DPYD: variants seen among roughly 807,000 people sequenced by gnomAD.
The protein encoded by DPYD is dihydropyrimidine dehydrogenase [NADP(+)].
Under a neutral mutation model 116.2 loss-of-function variants are expected in DPYD, and 109 were observed. The ratio of observed to expected loss-of-function variants is 0.94; its 90% confidence interval spans 0.80 to 1.10. The LOEUF (loss-of-function observed/expected upper bound fraction) is 1.10, where lower values mean the gene tolerates loss of function less well. Ranked by LOEUF, DPYD falls within the 50% of genes least tolerant of loss-of-function variation. The pLI, the probability that DPYD is intolerant of heterozygous loss-of-function variation, is 0.00. For synonymous variants in DPYD, 440 were observed against 432.0 expected (o/e 1.02, Z -0.23); for missense variants, 1,302 against 1,254.5 (o/e 1.04, Z -0.57).
chr1:97,518,097 A>G lies in DPYD; in HGVS notation c.1525-2156T>C, dbSNP rs538520134. On this transcript the variant is annotated intron_variant, in intron 12 of 22. Coordinates refer to ENST00000370192, the MANE Select transcript of DPYD (RefSeq NM_000110.4). ...AACATTGCTGCCTTAATACTTAGAAAGAAAATGATTTGGACACATTTTGCA... is the reference window on the plus strand; with the variant it reads ...AACATTGCTGCCTTAATACTTAGAAGGAAAATGATTTGGACACATTTTGCA... Among the ~76,000 whole-genome samples, 9 of 152,236 alleles carry G rather than the reference A, an allele frequency of 5.9e-5. No homozygotes were observed. In the East Asian group the frequency reaches 1.2e-3, roughly 20 times the overall value.
chr1:97,820,374 AAT>A (rs1350083580), intron 3 of DPYD, among the ~76,000 whole-genome samples: 1 of 152,172 alleles, frequency 6.6e-6, no homozygotes, highest in Non-Finnish European at 1.5e-5. Context: ...TCAGCCTTTC[AAT>A]AAAAAGTTAG....
chr1:97,493,224 T>C (rs1468299377), intron 13 of DPYD, among the ~76,000 whole-genome samples: 1 of 152,230 alleles, frequency 6.6e-6, no homozygotes, highest in Non-Finnish European at 1.5e-5. Context: ...GTAGGCTGTC[T>C]TATTTCAGTG....
At chr1:97,824,952 T>C (rs1669161056) in intron 3 of DPYD, among the ~76,000 whole-genome samples, 1 of 152,182 alleles carries the variant, frequency 6.6e-6, no homozygotes, top group Non-Finnish European at 1.5e-5. Context: ...AGTTGTTGCA[T>C]TGTATTTTCC....
At chr1:97,296,554 T>C (rs1016207326) in intron 18 of DPYD, among the ~76,000 whole-genome samples, 4 of 152,172 alleles carry the variant, frequency 2.6e-5, no homozygotes, top group African/African-American at 4.8e-5. Flanking sequence ...AATTCACTTT[T>C]ATTTTGAATA....
rs1557914839 is a variant in DPYD, at chr1:97,176,867, A to ATTGTGT, written c.2622+16201_2622+16202insACACAA. Among the ~76,000 whole-genome samples, 3 of 57,568 alleles carry ATTGTGT rather than the reference A, an allele frequency of 5.2e-5. No homozygotes were observed. In the East Asian group the frequency reaches 4.3e-3, roughly 82 times the overall value. 37.8% of individuals were successfully genotyped at this position (57,568 alleles called of 152,430 possible). A position where few individuals can be genotyped will look rare whatever the true frequency, so the allele number is the denominator to read the frequency against. On this transcript the variant is annotated intron_variant, in intron 20 of 22. Coordinates refer to ENST00000370192, the MANE Select transcript of DPYD (RefSeq NM_000110.4). ...AATACCAGTATTCAAGGGACAAAAA[A>ATTGTGT]ATGTGTGTGTGTGTGTGTGTGTGTG... is the stretch of plus-strand genomic sequence containing the variant.
chr1:97,196,678 C>T (rs1658836687), intron 19 of DPYD, among the ~76,000 whole-genome samples: 1 of 151,826 alleles, frequency 6.6e-6, no homozygotes, highest in African/African-American at 2.4e-5. Context: ...AATTTTCAGC[C>T]CCATTTTACA....
intron 11 of DPYD, among the ~76,000 whole-genome samples, chr1:97,551,465 T>C (rs555939589): frequency 5.3e-5 from 8 of 152,206 alleles, no homozygotes; most frequent in African/African-American, 1.4e-4. Context: ...TTATAAATAG[T>C]GGCAAGGGGT....
chr1:97,525,439 A>C (rs1465804607), intron 12 of DPYD, among the ~76,000 whole-genome samples: 1 of 152,128 alleles, frequency 6.6e-6, no homozygotes, highest in Non-Finnish European at 1.5e-5. Context: ...CTCTGTACTT[A>C]TTTGCTTACA....
chr1:97,920,505 G>A (rs1007798183), intron 1 of DPYD, among the ~76,000 whole-genome samples: 2 of 152,166 alleles, frequency 1.3e-5, no homozygotes, highest in Non-Finnish European at 1.5e-5. Flanking sequence ...CGACATACAG[G>A]AGGTGAAGGG....
chr1:97,586,467 TATA>T (rs1654114749), intron 10 of DPYD, among the ~76,000 whole-genome samples: 2 of 1,186 alleles, frequency 1.7e-3, no homozygotes, highest in African/African-American at 9.6e-3. Context: ...CATACATACA[TATA>T]TATATATATA....
At chr1:97,720,164 TCACACACA>T (rs537506379) in intron 5 of DPYD, 41 of 707,256 alleles carry the variant, frequency 5.8e-5, no homozygotes, top group Non-Finnish European at 6.6e-5. Context: ...TCTCTCTCTC[TCACACACA>T]CACACACACA....
At chr1:97,456,102 G>C (rs1365699923) in intron 13 of DPYD, among the ~76,000 whole-genome samples, 1 of 151,358 alleles carries the variant, frequency 6.6e-6, no homozygotes, top group Non-Finnish European at 1.5e-5. Flanking sequence ...AAATTATCAT[G>C]ACCTATATCC....
chr1:97,436,595 G>A (rs1412157635), intron 14 of DPYD, among the ~76,000 whole-genome samples: 1 of 152,012 alleles, frequency 6.6e-6, no homozygotes, highest in African/African-American at 2.4e-5. Context: ...AGAGTATGTT[G>A]TAGCCAGTAA....
At position 97,547,202 on chromosome 1, in the gene DPYD, G is replaced by A. The variant is rs528034172; in HGVS notation, c.1524+2358C>T. ...TGGTGCATTTATTTCATCTGCAAAT[G>A]ATAATAAATCCTTTGTTATTATTAA... On this transcript the variant is annotated intron_variant, in intron 12 of 22. Coordinates refer to ENST00000370192, the MANE Select transcript of DPYD (RefSeq NM_000110.4). 3.9e-5 allele frequency among the ~76,000 whole-genome samples: 6 copies of A among 152,138 alleles called. No homozygotes were observed. The South Asian group carries it at 1.0e-3, about 26-fold the overall frequency.
intron 2 of DPYD, among the ~76,000 whole-genome samples, chr1:97,860,408 A>G (rs997509549): frequency 2.0e-5 from 3 of 152,210 alleles, no homozygotes; most frequent in Non-Finnish European, 4.4e-5. Context: ...ATAAAAGAGA[A>G]AAACATAAAA....
intron 15 of DPYD, among the ~76,000 whole-genome samples, chr1:97,375,921 A>G (rs1671585257): frequency 6.6e-6 from 1 of 152,346 alleles, no homozygotes; most frequent in South Asian, 2.1e-4. Context: ...AAGGCTTTGC[A>G]TAATAATTTT....
At chr1:97,532,312 T>C (rs1158096741) in intron 12 of DPYD, among the ~76,000 whole-genome samples, 1 of 152,180 alleles carries the variant, frequency 6.6e-6, no homozygotes, top group Non-Finnish European at 1.5e-5. Flanking sequence ...TTTGCATCCA[T>C]ATTCATCAGG....
intron 14 of DPYD, among the ~76,000 whole-genome samples, chr1:97,418,714 A>G (rs1674417705): frequency 6.6e-6 from 1 of 152,226 alleles, no homozygotes; most frequent in South Asian, 2.1e-4. Context: ...AGTAGAACAT[A>G]ATGAAAACCT....
intron 11 of DPYD, among the ~76,000 whole-genome samples, chr1:97,561,245 A>G (rs2811219): frequency 0.25 from 37,700 of 152,046 alleles, 5,162 homozygotes; most frequent in African/African-American, 0.35. Context: ...AAGAGAAAGC[A>G]TCCAGCGTCT....
Sources: allele counts gnomAD v4.1 joint callset (sites outside exome capture counted in the v4.1 genomes callset), GRCh38; gene constraint gnomAD v4.1.1; transcripts MANE v1.5; gene names NCBI Gene and HGNC (gene_info 2026-07-23, HGNC 2026-07-21).